The following MYO3B variants were observed in gnomAD, a reference collection of about 807,000 sequenced individuals.
MYO3B encodes myosin IIIB, also known as myosin-IIIb.
Under a neutral mutation model 174.6 loss-of-function variants are expected in MYO3B, and 156 were observed. The ratio of observed to expected loss-of-function variants is 0.89; its 90% CI spans 0.78 to 1.02. The LOEUF is 1.02. Among genes scored for constraint, MYO3B ranks in the 50% least tolerant of loss-of-function variants. MYO3B has a pLI of 0.00. For missense variants in MYO3B, 1,632 were observed against 1,639.4 expected, an observed-to-expected ratio of 1.00 and a Z score of 0.08; for synonymous variants, 563 against 569.1, an observed-to-expected ratio of 0.99 and a Z score of 0.15.
rs766977696 is a variant in MYO3B, at chr2:170,653,114, A to G, written c.4019A>G (p.Gln1340Arg). ...TCCTCAAAAGGAGACTCTTTTGCTC[A>G]ACATTAAATTGTGCTTCCTAACCCT... The part of the protein sequence containing the change: ...SSSSKGDSFA[Q>R]H The change falls in exon 35 of 35, where the codon CAA becomes CGA. Residue 1340 changes from glutamine to arginine, a missense_variant. Gln to Arg is a conservative substitution (Grantham distance 43). Transcript: ENST00000408978. 2 of 1,614,046 alleles carry G rather than the reference A, an allele frequency of 1.2e-6. No individual in the cohort carries two copies. The highest frequency in any genetic ancestry group is 3.3e-5 in the Admixed American group (2 of 60,000).
At chr2:170,242,988 G>A (rs543203878) in intron 7 of MYO3B, among the ~76,000 whole-genome samples, 1 of 152,294 alleles carries the variant, frequency 6.6e-6, no homozygotes, top group African/African-American at 2.4e-5. Flanking sequence ...CAGGGATGAG[G>A]AGCAATGAGG....
chr2:170,430,457 C>T (rs191376072), intron 22 of MYO3B, among the ~76,000 whole-genome samples: 29 of 151,366 alleles, frequency 1.9e-4, no homozygotes, highest in African/African-American at 2.9e-4. Flanking sequence ...CTGCAATCTC[C>T]GCCTCCTGGG....
At chr2:170,607,657 G>A (rs1356694332) in intron 32 of MYO3B, among the ~76,000 whole-genome samples, 1 of 152,188 alleles carries the variant, frequency 6.6e-6, no homozygotes, top group Non-Finnish European at 1.5e-5. Context: ...GTTAGCCTGA[G>A]CAGCTACTGT....
chr2:170,472,116 T>A (rs913362140), intron 25 of MYO3B, among the ~76,000 whole-genome samples: 4 of 152,098 alleles, frequency 2.6e-5, no homozygotes, highest in African/African-American at 9.7e-5. Flanking sequence ...TTGCTCACCC[T>A]CTTGCCAGTT....
At chr2:170,202,589 ATTTTC>A (rs1474809147) in intron 3 of MYO3B, among the ~76,000 whole-genome samples, 2 of 152,130 alleles carry the variant, frequency 1.3e-5, no homozygotes, top group Admixed American at 1.3e-4. Context: ...ATTTCAGCAC[ATTTTC>A]TTTCACCATG....
At chr2:170,429,642 C>T (rs994010816) in intron 22 of MYO3B, among the ~76,000 whole-genome samples, 19 of 152,210 alleles carry the variant, frequency 1.2e-4, no homozygotes, top group African/African-American at 4.6e-4. Context: ...TACAAGCTCT[C>T]TGGAACTCTC....
At chr2:170,636,339 C>T (rs760411007) in intron 32 of MYO3B, among the ~76,000 whole-genome samples, 30 of 150,948 alleles carry the variant, frequency 2.0e-4, no homozygotes, top group Admixed American at 4.0e-4. Context: ...GAAGGAGCCA[C>T]GCTGGAAATA....
intron 32 of MYO3B, among the ~76,000 whole-genome samples, chr2:170,645,715 T>C (rs1698313239): frequency 6.6e-6 from 1 of 152,210 alleles, no homozygotes; most frequent in South Asian, 2.1e-4. Context: ...ACTATGTGCC[T>C]TATTGATTTT....
intron 30 of MYO3B, among the ~76,000 whole-genome samples, chr2:170,526,449 A>G (rs988717084): frequency 6.6e-6 from 1 of 152,228 alleles, no homozygotes; most frequent in African/African-American, 2.4e-5. Context: ...ATAAGCATTG[A>G]GGTTTCCATC....
chr2:170,213,368 G>A (rs1033549643), intron 3 of MYO3B, among the ~76,000 whole-genome samples: 1 of 152,138 alleles, frequency 6.6e-6, no homozygotes, highest in Non-Finnish European at 1.5e-5. Flanking sequence ...GACCAAGCAG[G>A]GGGTACGTGA....
chr2:170,649,349 AAT>A (rs1442947038), intron 32 of MYO3B, among the ~76,000 whole-genome samples: 4,470 of 53,752 alleles, frequency 0.083, 660 homozygotes, highest in Non-Finnish European at 0.11. Context: ...TATATAAAAT[AAT>A]ATATAATATA....
intron 25 of MYO3B, among the ~76,000 whole-genome samples, chr2:170,489,199 C>T (rs555448051): frequency 2.0e-5 from 3 of 152,330 alleles, no homozygotes; most frequent in African/African-American, 7.2e-5. Context: ...CTCTGGCTTT[C>T]TCCTCTGTAC....
At chr2:170,188,305 A>G (rs1056595465) in intron 1 of MYO3B, among the ~76,000 whole-genome samples, 1 of 151,890 alleles carries the variant, frequency 6.6e-6, no homozygotes, top group African/African-American at 2.4e-5. Flanking sequence ...TGCATAGAAT[A>G]TTTTTTTTCC....
chr2:170,643,275 G>T (rs550588813), intron 32 of MYO3B, among the ~76,000 whole-genome samples: 2 of 152,284 alleles, frequency 1.3e-5, no homozygotes, highest in South Asian at 4.1e-4. Flanking sequence ...AACAAGAGTT[G>T]CTATATAAAA....
At chr2:170,636,622 G>A (rs1302169038) in intron 32 of MYO3B, among the ~76,000 whole-genome samples, 1 of 152,124 alleles carries the variant, frequency 6.6e-6, no homozygotes, top group African/African-American at 2.4e-5. Flanking sequence ...GTGGGAAGGT[G>A]CCAAGTCAGC....
intron 14 of MYO3B, among the ~76,000 whole-genome samples, chr2:170,390,083 T>TTA (rs1336796055): frequency 6.6e-6 from 1 of 152,176 alleles, no homozygotes; most frequent in African/African-American, 2.4e-5. Context: ...ATTTTTCTAT[T>TTA]TATATATATC....
At chr2:170,358,590 A>C (rs1207364596) in intron 8 of MYO3B, among the ~76,000 whole-genome samples, 1 of 152,252 alleles carries the variant, frequency 6.6e-6, no homozygotes, top group Non-Finnish European at 1.5e-5. Context: ...TATGTGAACT[A>C]TATCTCATTA....
chr2:170,276,713 AG>A (rs1177851898), intron 7 of MYO3B, among the ~76,000 whole-genome samples: 1 of 152,160 alleles, frequency 6.6e-6, no homozygotes, highest in Non-Finnish European at 1.5e-5. Flanking sequence ...TAATATAATC[AG>A]TTACCTTTCT....
intron 3 of MYO3B, among the ~76,000 whole-genome samples, chr2:170,211,545 T>TA (rs2092770750): frequency 6.6e-6 from 1 of 152,178 alleles, no homozygotes; most frequent in South Asian, 2.1e-4. Flanking sequence ...AAGCAATTCT[T>TA]ACAAAATTTA....
Sources: allele counts gnomAD v4.1 joint callset (sites outside exome capture counted in the v4.1 genomes callset), GRCh38; gene constraint gnomAD v4.1.1; transcripts MANE v1.5; gene names NCBI Gene and HGNC (gene_info 2026-07-23, HGNC 2026-07-21).